EML4: variants seen among roughly 807,000 people sequenced by gnomAD.
The protein encoded by EML4 is echinoderm microtubule-associated protein-like 4.
A neutral mutation model predicts 129.0 loss-of-function variants in EML4; 72 were observed. The observed-to-expected ratio is 0.56, with a 90% confidence interval of 0.46 to 0.68. EML4 has a LOEUF of 0.68. EML4 is among the 30% of genes least tolerant of loss of function. The pLI, the probability that EML4 is intolerant of heterozygous loss-of-function variation, is 0.00. For missense variants in EML4, 1,363 were observed against 1,190.6 expected (o/e 1.14, Z -2.13); for synonymous variants, 532 against 405.0 (o/e 1.31, Z -3.77).
At chr2:42,226,487 GTC>G in intron 1 of EML4, among the ~76,000 whole-genome samples, 1 of 150,514 alleles carries the variant, frequency 6.6e-6, no homozygotes. Context: ...GTGAAACCCT[GTC>G]TCTACTAAAA....
Position 42,303,317 on chromosome 2 carries a change from T to C in EML4, c.1770T>C (p.Gly590=). The C allele has an allele frequency of 6.2e-7, 1 of 1,614,134 alleles. No homozygotes were observed. Among genetic ancestry groups the C allele is most frequent in the Non-Finnish European group, 8.5e-7 (1 of 1,179,996 alleles). ...CAATGAGTGTCTTTCATTTTCAGGGTCATACAGATGAGCTTTGGGGTCTTG... is the reference window on the plus strand; with the variant it reads ...CAATGAGTGTCTTTCATTTTCAGGGCCATACAGATGAGCTTTGGGGTCTTG... ...FNDGFQIEVQ[G]HTDELWGLAT... The change falls in exon 16 of 23, where the codon GGT becomes GGC. Residue 590 remains glycine, a splice_region_variant and synonymous_variant. Coordinates refer to ENST00000318522, the MANE Select transcript of EML4 (RefSeq NM_019063.5).
chr2:42,303,997 T>C (rs1335002934), intron 16 of EML4, among the ~76,000 whole-genome samples: 9 of 152,182 alleles, frequency 5.9e-5, no homozygotes, highest in Non-Finnish European at 1.3e-4. Flanking sequence ...AGTAGTAAAA[T>C]CATAAAGATT....
intron 1 of EML4, among the ~76,000 whole-genome samples, chr2:42,191,360 G>C (rs1671569603): frequency 6.6e-6 from 1 of 152,110 alleles, no homozygotes; most frequent in Non-Finnish European, 1.5e-5. Context: ...ATGGCTACCG[G>C]TAGCTCTGGA....
chr2:42,206,666 G>A (rs1352805956), intron 1 of EML4, among the ~76,000 whole-genome samples: 1 of 152,106 alleles, frequency 6.6e-6, no homozygotes, highest in Non-Finnish European at 1.5e-5. Flanking sequence ...TCTCAATTTA[G>A]TTTTGTCTGA....
intron 17 of EML4, among the ~76,000 whole-genome samples, chr2:42,312,946 C>CTTT (rs753939714): frequency 3.5e-5 from 4 of 114,298 alleles, no homozygotes; most frequent in South Asian, 3.0e-4. Flanking sequence ...CAATGTATAT[C>CTTT]TTTTTTTTTT....
chr2:42,261,963 C>A (rs559949652), intron 4 of EML4, among the ~76,000 whole-genome samples: 2 of 152,180 alleles, frequency 1.3e-5, no homozygotes, highest in East Asian at 3.9e-4. Flanking sequence ...GCTGGGAGTA[C>A]AGTGCTACAG....
chr2:42,208,778 G>C (rs555230965), intron 1 of EML4, among the ~76,000 whole-genome samples: 206 of 143,534 alleles, frequency 1.4e-3, no homozygotes, highest in African/African-American at 5.2e-3. Flanking sequence ...TTTGAGACAG[G>C]GTCTCGTTCT....
chr2:42,184,571 T>C (rs1671137670), intron 1 of EML4, among the ~76,000 whole-genome samples: 1 of 152,162 alleles, frequency 6.6e-6, no homozygotes, highest in South Asian at 2.1e-4. Context: ...GGATTCCCTC[T>C]GTATCCCTTT....
intron 6 of EML4, among the ~76,000 whole-genome samples, chr2:42,266,486 A>T (rs1161996338): frequency 6.6e-6 from 1 of 152,046 alleles, no homozygotes; most frequent in Non-Finnish European, 1.5e-5. Context: ...CTGGGACTAC[A>T]GGCGCGCACC....
intron 12 of EML4, 31 bp downstream of exon 12, chr2:42,295,290 G>C: frequency 3.1e-6 from 5 of 1,605,376 alleles, no homozygotes; most frequent in Non-Finnish European, 4.2e-6. Context: ...ATGTCATTAG[G>C]TGTATAAGAC....
intron 1 of EML4, among the ~76,000 whole-genome samples, chr2:42,176,864 G>C (rs968792462): frequency 2.6e-5 from 4 of 152,104 alleles, no homozygotes; most frequent in Admixed American, 6.5e-5. Flanking sequence ...TATGATCTCA[G>C]CTCACTGCAA....
In EML4 at chr2:42,175,082, G is replaced by A. The variant is rs556383347; in HGVS notation, c.25+5446G>A. Among the ~76,000 whole-genome samples the A allele has an allele frequency of 2.7e-5, 4 of 150,350 alleles. No individual in the cohort carries two copies. In the Admixed American group the frequency reaches 2.7e-4, roughly 10 times the overall value. ...TCCACCCACCTTGGCCTCCCTTACA[G>A]GTGTGAGCCACCGTGCCTGGCCGTG... On this transcript the variant is annotated intron_variant, in intron 1 of 22. Coordinates refer to ENST00000318522, the MANE Select transcript of EML4 (RefSeq NM_019063.5).
At position 42,330,035 on chromosome 2, in the gene EML4, A is replaced by C; in HGVS notation, c.2774A>C (p.Asn925Thr). The change falls in exon 23 of 23, where the codon AAC (asparagine) becomes ACC (threonine). Residue 925 changes from asparagine to threonine, a missense_variant. Asn to Thr is a moderately conservative substitution (Grantham distance 65, BLOSUM62 0). Transcript: ENST00000318522. ...AGCAGTTCTCCCACACTTCTGGAGA[A>C]CAGCCTGGAACAAACTGTGGAGCCA... is the stretch of plus-strand genomic sequence containing the variant. ...RISSSPTLLENSLEQTVEPSE... is the reference protein window; with the variant it reads ...RISSSPTLLETSLEQTVEPSE... 5 of 1,613,616 alleles carry C rather than the reference A, an allele frequency of 3.1e-6. No homozygotes were observed. Among genetic ancestry groups the C allele is most frequent in the Non-Finnish European group, 4.2e-6 (5 of 1,179,954 alleles).
chr2:42,174,792 G>A (rs988513110), intron 1 of EML4, among the ~76,000 whole-genome samples: 3 of 151,914 alleles, frequency 2.0e-5, no homozygotes, highest in African/African-American at 7.3e-5. Context: ...TTTTATAGGT[G>A]AAAAAGGTCT....
intron 1 of EML4, among the ~76,000 whole-genome samples, chr2:42,242,555 A>G (rs1323251419): frequency 6.6e-6 from 1 of 152,014 alleles, no homozygotes; most frequent in Non-Finnish European, 1.5e-5. Context: ...ACCTCTGGGA[A>G]ATTCAAGAGG....
chr2:42,283,731 G>A (rs1417870126), intron 8 of EML4, among the ~76,000 whole-genome samples: 1 of 152,130 alleles, frequency 6.6e-6, no homozygotes, highest in Non-Finnish European at 1.5e-5. Context: ...GCAGAATAAT[G>A]TATGTACAAA....
intron 1 of EML4, among the ~76,000 whole-genome samples, chr2:42,171,265 GTCT>G (rs1459251573): frequency 6.6e-6 from 1 of 152,178 alleles, no homozygotes; most frequent in Non-Finnish European, 1.5e-5. Flanking sequence ...AAAATTGAGT[GTCT>G]TCTTAGGGGA....
At chr2:42,205,664 T>C (rs1423427154) in intron 1 of EML4, among the ~76,000 whole-genome samples, 2 of 152,190 alleles carry the variant, frequency 1.3e-5, no homozygotes, top group African/African-American at 2.4e-5. Context: ...TTTAAGGAAG[T>C]ATCAACTTAG....
intron 1 of EML4, among the ~76,000 whole-genome samples, chr2:42,218,324 A>G (rs1673333602): frequency 6.6e-6 from 1 of 151,988 alleles, no homozygotes; most frequent in Non-Finnish European, 1.5e-5. Flanking sequence ...AAACAAGCTC[A>G]GGGCTCCCAC....
Sources: gnomAD v4.1 joint callset for allele counts (sites outside exome capture counted in the v4.1 genomes callset) on GRCh38, gnomAD v4.1.1 for gene constraint, MANE v1.5 for transcripts, NCBI Gene and HGNC (gene_info 2026-07-23, HGNC 2026-07-21) for gene names.